CCDC171: variants seen among roughly 807,000 people sequenced by gnomAD.
CCDC171 encodes coiled-coil domain-containing protein 171.
Under a neutral mutation model 168.2 loss-of-function variants are expected in CCDC171, and 177 were observed. The ratio of observed to expected loss-of-function variants is 1.05; its 90% CI spans 0.93 to 1.19. CCDC171 has a LOEUF of 1.19. CCDC171 is among the 50% of genes most tolerant of loss of function. The pLI, the probability that CCDC171 is intolerant of heterozygous loss-of-function variation, is 0.00. For missense variants in CCDC171, 1,991 were observed against 1,539.0 expected (o/e 1.29, Z -4.91); for synonymous variants, 687 against 540.8 (o/e 1.27, Z -3.75).
intron 24 of CCDC171, chr9:15,875,230 G>A (rs1425059943): frequency 1.3e-5 from 2 of 151,884 alleles, no homozygotes; most frequent in Non-Finnish European, 2.9e-5. Flanking sequence ...TGTAAGATGT[G>A]CAAATTGGGT....
At chr9:15,924,440 CAA>C (rs34003715) in intron 25 of CCDC171, among the ~76,000 whole-genome samples, 11 of 140,352 alleles carry the variant, frequency 7.8e-5, no homozygotes, top group Non-Finnish European at 9.5e-5. Flanking sequence ...CACACTTAGT[CAA>C]AAAAAAAAAA....
chr9:15,727,131 A>G (rs1229621648), intron 14 of CCDC171, among the ~76,000 whole-genome samples: 9 of 152,182 alleles, frequency 5.9e-5, no homozygotes, highest in Non-Finnish European at 1.2e-4. Flanking sequence ...TTTCGAAAGT[A>G]TGTAATGAGC....
upstream of CCDC171, among the ~76,000 whole-genome samples, chr9:16,039,922 C>T (rs1422902808): frequency 6.6e-6 from 1 of 152,060 alleles, no homozygotes; most frequent in African/African-American, 2.4e-5. Flanking sequence ...GGAGATTGGA[C>T]CGGATAACAG....
intron 21 of CCDC171, among the ~76,000 whole-genome samples, chr9:15,808,885 G>A (rs980981094): frequency 3.3e-5 from 5 of 152,186 alleles, no homozygotes; most frequent in African/African-American, 1.2e-4. Flanking sequence ...TGGTTATTGA[G>A]AAGTCTAACA....
At chr9:15,796,325 A>C (rs1363574550) in intron 21 of CCDC171, among the ~76,000 whole-genome samples, 1 of 152,202 alleles carries the variant, frequency 6.6e-6, no homozygotes. Context: ...ATAAGAAATT[A>C]AGAGGAAAGA....
chr9:15,647,807 C>G (rs1374638343), intron 7 of CCDC171, among the ~76,000 whole-genome samples: 1 of 152,186 alleles, frequency 6.6e-6, no homozygotes, highest in Non-Finnish European at 1.5e-5. Context: ...CAGCCGAATT[C>G]TGCCAGAGGT....
chr9:15,636,265 C>A lies in CCDC171; in HGVS notation c.822+12852C>A, dbSNP rs561386031. On this transcript the variant is annotated intron_variant, in intron 7 of 25. Transcript: ENST00000380701. ...ATATGAACTTGGCAAGGATAAACTT[C>A]CTCATACTCTAACCACACATGGGTT... Among the ~76,000 whole-genome samples, 53 of 152,134 alleles carry A rather than the reference C, an allele frequency of 3.5e-4. 1 individual carries two copies. Among genetic ancestry groups the A allele is most frequent in the African/African-American group, 1.1e-3 (44 of 41,504 alleles).
At chr9:15,899,692 T>A (rs940904146) in intron 24 of CCDC171, among the ~76,000 whole-genome samples, 1 of 152,218 alleles carries the variant, frequency 6.6e-6, no homozygotes, top group Non-Finnish European at 1.5e-5. Context: ...CTTAGTGCCT[T>A]TTGCTCATTT....
At chr9:15,654,644 A>G (rs999821258) in intron 7 of CCDC171, among the ~76,000 whole-genome samples, 6 of 152,176 alleles carry the variant, frequency 3.9e-5, no homozygotes, top group African/African-American at 1.4e-4. Context: ...CAAGTTGAAC[A>G]TTAATAAAAA....
chr9:15,607,790 TTAATAAAA>T (rs2043334505), intron 6 of CCDC171, among the ~76,000 whole-genome samples: 1 of 152,178 alleles, frequency 6.6e-6, no homozygotes, highest in South Asian at 2.1e-4. Context: ...TTTGTTAAAG[TTAATAAAA>T]TAGCTTCTGT....
intron 7 of CCDC171, among the ~76,000 whole-genome samples, chr9:15,636,546 C>G (rs138504027): frequency 2.0e-5 from 3 of 150,896 alleles, no homozygotes; most frequent in Admixed American, 6.6e-5. Context: ...ACCAGGAGTT[C>G]AAGACCAGCC....
intron 1 of CCDC171, among the ~76,000 whole-genome samples, chr9:16,045,237 T>C (rs1833642622): frequency 6.6e-6 from 1 of 152,160 alleles, no homozygotes; most frequent in Middle Eastern, 3.4e-3. Flanking sequence ...CAGGAGATCC[T>C]AGGAGAGGAG....
At chr9:15,569,463 T>C (rs1418671180) in intron 2 of CCDC171, among the ~76,000 whole-genome samples, 1 of 152,256 alleles carries the variant, frequency 6.6e-6, no homozygotes, top group East Asian at 1.9e-4. Context: ...TTATTGTTTT[T>C]CATTCTGCAC....
intron 8 of CCDC171, among the ~76,000 whole-genome samples, chr9:15,659,012 A>G (rs886401184): frequency 6.6e-6 from 1 of 152,184 alleles, no homozygotes; most frequent in African/African-American, 2.4e-5. Context: ...GGTTTGCAGT[A>G]TGTGTGAAAG....
chr9:15,647,687 AC>A (rs1213814726), intron 7 of CCDC171, among the ~76,000 whole-genome samples: 8 of 152,212 alleles, frequency 5.3e-5, no homozygotes, highest in African/African-American at 1.9e-4. Flanking sequence ...CTCTCCCAAG[AC>A]TAAACCAGGA....
intron 1 of CCDC171, among the ~76,000 whole-genome samples, chr9:16,044,716 C>T (rs1057123108): frequency 5.3e-5 from 8 of 152,054 alleles, no homozygotes; most frequent in Admixed American, 2.0e-4. Context: ...GGGAGGAGGA[C>T]GCTCTGGGCC....
intron 1 of CCDC171, among the ~76,000 whole-genome samples, chr9:16,054,560 T>A (rs930083882): frequency 6.6e-6 from 1 of 152,186 alleles, no homozygotes; most frequent in Non-Finnish European, 1.5e-5. Flanking sequence ...ATTCCTTGAT[T>A]AGTGGTGGTT....
At chr9:15,723,530 TAA>T in intron 12 of CCDC171, 149 bp from the exon 13 acceptor site, 1 of 589,952 alleles carries the variant, frequency 1.7e-6, no homozygotes, top group Non-Finnish European at 3.0e-6. Context: ...AATAATTTTT[TAA>T]AGACTCTTAA....
intron 3 of CCDC171, among the ~76,000 whole-genome samples, chr9:16,017,108 A>G (rs569675495): frequency 5.4e-4 from 82 of 152,280 alleles, no homozygotes; most frequent in African/African-American, 1.9e-3. Context: ...GGAGTAGATT[A>G]TGTTCTTTTT....
Sources: allele counts gnomAD v4.1 joint callset (sites outside exome capture counted in the v4.1 genomes callset), GRCh38; gene constraint gnomAD v4.1.1; transcripts MANE v1.5; gene names NCBI Gene and HGNC (gene_info 2026-07-23, HGNC 2026-07-21).